MERTK: variants seen among roughly 807,000 people sequenced by gnomAD.
MERTK encodes the protein tyrosine-protein kinase Mer.
A neutral mutation model predicts 99.3 loss-of-function variants in MERTK; 69 were observed. The observed-to-expected ratio is 0.70, with a 90% CI of 0.57 to 0.85. The LOEUF is 0.85. Ranked by LOEUF, MERTK falls within the 40% of genes least tolerant of loss-of-function variation. The pLI is 0.00. For synonymous variants in MERTK, 426 were observed against 467.6 expected, an observed-to-expected ratio of 0.91 and a Z score of 1.15; for missense variants, 1,125 against 1,249.4, an observed-to-expected ratio of 0.90 and a Z score of 1.50.
At chr2:111,913,027 T>C (rs1271426275) in intron 1 of MERTK, 2 of 985,144 alleles carry the variant, frequency 2.0e-6, no homozygotes, top group Non-Finnish European at 1.2e-6. Context: ...GAGAAGACTG[T>C]CTAGGTAAAA....
intron 1 of MERTK, among the ~76,000 whole-genome samples, chr2:111,927,385 C>T (rs1347291709): frequency 6.6e-6 from 1 of 152,164 alleles, no homozygotes; most frequent in South Asian, 2.1e-4. Flanking sequence ...TTCCCAGATC[C>T]CCTCCCTTCT....
At chr2:111,904,011 G>C (rs930476543) in intron 1 of MERTK, among the ~76,000 whole-genome samples, 1 of 152,126 alleles carries the variant, frequency 6.6e-6, no homozygotes, top group Non-Finnish European at 1.5e-5. Flanking sequence ...CTTTGGTGAA[G>C]GGGCCCTCCG....
chr2:112,000,944 C>G (rs1207671955), intron 10 of MERTK, among the ~76,000 whole-genome samples: 1 of 152,170 alleles, frequency 6.6e-6, no homozygotes, highest in Non-Finnish European at 1.5e-5. Context: ...GTTTCTTGCT[C>G]AGACTGTTAC....
intron 15 of MERTK, among the ~76,000 whole-genome samples, chr2:112,014,176 C>T (rs1227275637): frequency 2.0e-5 from 3 of 152,070 alleles, no homozygotes; most frequent in Non-Finnish European, 2.9e-5. Context: ...TGCCCGCCAC[C>T]ACACCCAGCT....
At chr2:111,904,134 G>A (rs770049158) in intron 1 of MERTK, among the ~76,000 whole-genome samples, 5 of 152,048 alleles carry the variant, frequency 3.3e-5, no homozygotes, top group Non-Finnish European at 7.4e-5. Context: ...AGCAGGGCCC[G>A]CCCTGACTGC....
intron 1 of MERTK, among the ~76,000 whole-genome samples, chr2:111,912,154 C>T (rs1051756904): frequency 2.0e-5 from 3 of 150,240 alleles, no homozygotes; most frequent in African/African-American, 2.4e-5. Flanking sequence ...AGGTGCCCAC[C>T]ACCATGCCCA....
intron 1 of MERTK, among the ~76,000 whole-genome samples, chr2:111,915,626 C>T (rs989545234): frequency 1.2e-4 from 19 of 152,008 alleles, no homozygotes; most frequent in Admixed American, 5.9e-4. Flanking sequence ...GTTTAGTTTG[C>T]GGCTGGGCGT....
At chr2:111,931,792 C>T (rs565847067) in intron 2 of MERTK, among the ~76,000 whole-genome samples, 1 of 152,082 alleles carries the variant, frequency 6.6e-6, no homozygotes, top group South Asian at 2.1e-4. Flanking sequence ...GGGAGCATAG[C>T]CCTACCTTGC....
chr2:111,901,630 A>T (rs1161202273), intron 1 of MERTK, among the ~76,000 whole-genome samples: 4 of 141,954 alleles, frequency 2.8e-5, no homozygotes, highest in African/African-American at 1.1e-4. Flanking sequence ...ATCACGGCTC[A>T]CTGCAACCTC....
intron 1 of MERTK, among the ~76,000 whole-genome samples, chr2:111,901,395 T>C (rs887269321): frequency 6.6e-6 from 1 of 152,220 alleles, no homozygotes; most frequent in Non-Finnish European, 1.5e-5. Flanking sequence ...TGTAAACATC[T>C]TCCCAGAGGG....
rs749774293 is a variant in MERTK at position 112,008,400 on chromosome 2, C to T, written c.1885C>T (p.Arg629Trp). Residue 629 changes from arginine (R) to tryptophan (W), a missense_variant, in exon 14 of 19, where the codon CGG (arginine) becomes TGG (tryptophan). Transcript: ENST00000295408. Reference protein sequence around the residue: ...KTMKLDNSSQREIEEFLSEAA... With the variant: ...KTMKLDNSSQWEIEEFLSEAA... ...TCCTCTAGTGGACAACTCTTCACAG[C>T]GGGAGATCGAGGAGTTTCTCAGTGA... 111 of 1,613,314 alleles carry T rather than the reference C, an allele frequency of 6.9e-5. No homozygotes were observed. The highest frequency in any genetic ancestry group is 8.7e-5 in the Non-Finnish European group (103 of 1,179,418).
intron 18 of MERTK, among the ~76,000 whole-genome samples, chr2:112,025,779 A>G (rs183046977): frequency 6.6e-6 from 1 of 152,246 alleles, no homozygotes; most frequent in Admixed American, 6.5e-5. Context: ...GTAAATTCAT[A>G]TGATTGCATT....
At chr2:111,967,584 G>C (rs536737896) in intron 5 of MERTK, among the ~76,000 whole-genome samples, 1 of 152,022 alleles carries the variant, frequency 6.6e-6, no homozygotes, top group Non-Finnish European at 1.5e-5. Context: ...TCTTTTGCTT[G>C]AACTGACTCT....
At chr2:111,927,402 C>T (rs568936863) in intron 1 of MERTK, among the ~76,000 whole-genome samples, 3 of 152,322 alleles carry the variant, frequency 2.0e-5, no homozygotes, top group African/African-American at 4.8e-5. Context: ...TTCTGCCCCA[C>T]GATTTCCTAC....
intron 1 of MERTK, among the ~76,000 whole-genome samples, chr2:111,903,832 C>T (rs1313251619): frequency 2.0e-5 from 3 of 152,174 alleles, no homozygotes; most frequent in Non-Finnish European, 4.4e-5. Flanking sequence ...GAGCTAATGG[C>T]AGGTGATATG....
chr2:111,973,327 A>G (rs1275015763), intron 6 of MERTK, among the ~76,000 whole-genome samples: 1 of 152,104 alleles, frequency 6.6e-6, no homozygotes, highest in Non-Finnish European at 1.5e-5. Flanking sequence ...AAAGTGAAAC[A>G]AACAAAAAGT....
At chr2:111,982,776 C>A in intron 7 of MERTK, 66 bp from the exon 8 acceptor site, 1 of 1,558,554 alleles carries the variant, frequency 6.4e-7, no homozygotes, top group Non-Finnish European at 8.8e-7. Flanking sequence ...ACTTGAAAAC[C>A]CAGATGAGAA....
At chr2:111,997,265 C>T (rs750097395) in intron 9 of MERTK, 58 bp from the exon 10 acceptor site, 24 of 1,565,858 alleles carry the variant, frequency 1.5e-5, no homozygotes, top group Non-Finnish European at 2.0e-5. Context: ...TTCCCTGTTA[C>T]AAGCCAGTGT....
Position 112,029,363 on chromosome 2 carries a change from A to G in MERTK, c.*499A>G. 8.5e-6 allele frequency: 8 copies of G among 939,074 alleles called. No individual in the cohort carries two copies. Among genetic ancestry groups the G allele is most frequent in the Non-Finnish European group, 1.0e-5 (8 of 787,098 alleles). 58.2% of individuals were successfully genotyped at this position (939,074 alleles called of 1,614,324 possible). A position where few individuals can be genotyped will look rare whatever the true frequency, so the allele number is the denominator to read the frequency against. On this transcript the variant is annotated 3_prime_UTR_variant, in exon 19 of 19. Transcript: ENST00000295408. The stretch of plus-strand genomic sequence containing the variant: ...ATGGCTTCCTAATAAAATATGAATA[A>G]GGAAGGATATGTTGAACTTACTTGA...
Sources: allele counts gnomAD v4.1 joint callset (sites outside exome capture counted in the v4.1 genomes callset), GRCh38; gene constraint gnomAD v4.1.1; transcripts MANE v1.5; gene names NCBI Gene and HGNC (gene_info 2026-07-23, HGNC 2026-07-21).